PIEZO2: variants seen among roughly 807,000 people sequenced by gnomAD.
PIEZO2 encodes the protein piezo type mechanosensitive ion channel component 2.
Under a neutral mutation model 337.3 loss-of-function variants are expected in PIEZO2, and 172 were observed. That is an observed-to-expected ratio of 0.51 (90% CI 0.45 to 0.58). The LOEUF (loss-of-function observed/expected upper bound fraction) is 0.58, where lower values mean the gene tolerates loss of function less well. PIEZO2 is among the 20% of genes least tolerant of loss of function. The pLI, the probability that PIEZO2 is intolerant of heterozygous loss-of-function variation, is 0.00. For synonymous variants in PIEZO2, 1,251 were observed against 1,228.5 expected (o/e 1.02, Z -0.38); for missense variants, 3,028 against 3,391.3 (o/e 0.89, Z 2.66).
intron 39 of PIEZO2, among the ~76,000 whole-genome samples, chr18:10,712,084 G>T (rs1225385210): frequency 1.3e-5 from 2 of 152,212 alleles, no homozygotes; most frequent in East Asian, 3.8e-4. Flanking sequence ...AAAAAGGGTT[G>T]TTTGATCATG....
intron 2 of PIEZO2, among the ~76,000 whole-genome samples, chr18:11,013,496 T>C (rs1408175481): frequency 1.3e-5 from 2 of 152,222 alleles, no homozygotes; most frequent in African/African-American, 4.8e-5. Flanking sequence ...AGGAAAGTAA[T>C]ACAATAAAGA....
intron 2 of PIEZO2, among the ~76,000 whole-genome samples, chr18:11,039,496 A>T (rs1488058913): frequency 6.6e-6 from 1 of 152,156 alleles, no homozygotes; most frequent in East Asian, 1.9e-4. Flanking sequence ...TCTCCTGTCA[A>T]ACATTCAAGC....
In PIEZO2 at chr18:10,784,069, G is replaced by A. The variant is rs2039124892; in HGVS notation, c.2492+715C>T. Among the ~76,000 whole-genome samples, 1 of 152,074 alleles carries A rather than the reference G, an allele frequency of 6.6e-6. No individual in the cohort carries two copies. Among genetic ancestry groups the A allele is most frequent in the African/African-American group, 2.4e-5 (1 of 41,394 alleles). Reference sequence around the variant, plus strand: ...TATCTGAATCATAGGCTAAACATGAGGCAGAAAGGAAAACCATTGTCAGCG... The same window carrying A: ...TATCTGAATCATAGGCTAAACATGAAGCAGAAAGGAAAACCATTGTCAGCG... On this transcript the variant is annotated intron_variant, in intron 17 of 55. Coordinates refer to ENST00000674853, the MANE Select transcript of PIEZO2 (RefSeq NM_001378183.1). This position sits in a 1 kb window ranked among gnomAD's most constrained non-coding sequence, Gnocchi z 4.5.
chr18:10,929,386 A>G lies in PIEZO2; in HGVS notation c.287-18158T>C. On this transcript the variant is annotated intron_variant, in intron 3 of 55. Coordinates refer to ENST00000674853, the MANE Select transcript of PIEZO2 (RefSeq NM_001378183.1). This position sits in a 1 kb window ranked among gnomAD's most constrained non-coding sequence, Gnocchi z 5.6. ...ATGCTATGAATTCCAGACCAGCGCA[A>G]AGAAACTCCGAATTATTTTGATCAG... Among the ~76,000 whole-genome samples, 1 of 152,208 alleles carries G rather than the reference A, an allele frequency of 6.6e-6. No individual in the cohort carries two copies. The highest frequency in any genetic ancestry group is 1.9e-4 in the East Asian group (1 of 5,194).
intron 2 of PIEZO2, among the ~76,000 whole-genome samples, chr18:10,987,518 T>A (rs1452857130): frequency 6.6e-6 from 1 of 151,814 alleles, no homozygotes; most frequent in Non-Finnish European, 1.5e-5. Flanking sequence ...TACAAAATAA[T>A]AAAATTGGTC....
In PIEZO2 at chr18:10,759,525, G is replaced by A; in HGVS notation, c.3714C>T (p.Tyr1238=). 5 of 1,537,272 alleles carry A rather than the reference G, an allele frequency of 3.3e-6. No individual in the cohort carries two copies. The highest frequency in any genetic ancestry group is 1.2e-5 in the South Asian group (1 of 84,056). ...SFNDNIIKWL[Y]FPDFIVRPNP... ...TGGGCCGCACAATGAAATCTGGGAA[G>A]TACAGCCACTTTATGATGTTGTCAT... is the stretch of plus-strand genomic sequence containing the variant. Residue 1238 remains tyrosine, a synonymous_variant, in exon 26 of 56, where the codon TAC becomes TAT. Transcript: ENST00000674853. This position sits in a 1 kb window ranked among gnomAD's most constrained non-coding sequence, Gnocchi z 5.5.
chr18:10,950,960 G>C (rs1191055368), intron 3 of PIEZO2, among the ~76,000 whole-genome samples: 1 of 152,118 alleles, frequency 6.6e-6, no homozygotes, highest in Non-Finnish European at 1.5e-5. Context: ...TGTGAAAGTC[G>C]ATCATACAAA....
At position 11,111,416 on chromosome 18, in the gene PIEZO2, T is replaced by C. The variant is rs1247817314; in HGVS notation, c.64+37109A>G. 1.3e-5 allele frequency among the ~76,000 whole-genome samples: 2 copies of C among 152,228 alleles called. No individual in the cohort carries two copies. Among genetic ancestry groups the C allele is most frequent in the Non-Finnish European group, 2.9e-5 (2 of 68,040 alleles). On this transcript the variant is annotated intron_variant, in intron 1 of 55. Coordinates refer to ENST00000674853, the MANE Select transcript of PIEZO2 (RefSeq NM_001378183.1). The surrounding 1 kb of genome is among the most constrained non-coding windows in gnomAD (Gnocchi z 6.2). ...TTCATAAAAACCTAGATTTCCAATT[T>C]CTTTTTAAAAAATTATACCATCTGG...
Position 10,855,398 on chromosome 18 carries a change from A to G in PIEZO2, c.872T>C (p.Phe291Ser). The G allele has an allele frequency of 2.6e-6, 4 of 1,537,134 alleles. No homozygotes were observed. The highest frequency in any genetic ancestry group is 3.5e-6 in the Non-Finnish European group (4 of 1,146,812). Residue 291 changes from phenylalanine (F) to serine (S), a missense_variant, in exon 7 of 56, where the codon TTC (phenylalanine) becomes TCC (serine). Coordinates refer to ENST00000674853, the MANE Select transcript of PIEZO2 (RefSeq NM_001378183.1). This position sits in a 1 kb window ranked among gnomAD's most constrained non-coding sequence, Gnocchi z 4.9. ...TGGAACTGCCTCTTGAAAGAATTGG[A>G]ACTGGTATAAATAAAGTCCAATCAA... Reference protein sequence around the residue: ...GHLIGLYLYQFQFFQEAVPPN... With the variant: ...GHLIGLYLYQSQFFQEAVPPN...
chr18:10,842,780 C>T (rs1407912830), intron 7 of PIEZO2, among the ~76,000 whole-genome samples: 1 of 152,206 alleles, frequency 6.6e-6, no homozygotes, highest in African/African-American at 2.4e-5. Context: ...TCAAATTGGA[C>T]ACTATAAATA....
Position 10,954,278 on chromosome 18 carries a change from A to T in PIEZO2, c.286+25257T>A, listed in dbSNP as rs1486621695. On this transcript the variant is annotated intron_variant, in intron 3 of 55. Transcript: ENST00000674853. This position sits in a 1 kb window ranked among gnomAD's most constrained non-coding sequence, Gnocchi z 4.2. ...ATAGATCAGTTTAGAGAGAAAGGAC[A>T]TTTTAACAACAGTGAGTCTTCCAAT... Among the ~76,000 whole-genome samples, 1 of 152,194 alleles carries T rather than the reference A, an allele frequency of 6.6e-6. No individual in the cohort carries two copies. Among genetic ancestry groups the T allele is most frequent in the Non-Finnish European group, 1.5e-5 (1 of 68,024 alleles).
intron 1 of PIEZO2, among the ~76,000 whole-genome samples, chr18:11,118,805 G>A (rs2039957113): frequency 6.6e-6 from 1 of 151,764 alleles, no homozygotes; most frequent in Admixed American, 6.6e-5. Context: ...TGACTCTGCA[G>A]GAAAAATCTG....
chr18:11,034,124 T>C (rs1220456107), intron 2 of PIEZO2, among the ~76,000 whole-genome samples: 2 of 152,140 alleles, frequency 1.3e-5, no homozygotes, highest in African/African-American at 4.8e-5. Flanking sequence ...CCTGTCTTTG[T>C]ACACTTCTTC....
intron 3 of PIEZO2, among the ~76,000 whole-genome samples, chr18:10,915,274 G>A (rs1407117146): frequency 1.4e-5 from 2 of 138,128 alleles, no homozygotes; most frequent in Non-Finnish European, 3.1e-5. Flanking sequence ...GATGGAGAGA[G>A]GAGGCTGACC....
At chr18:10,989,855 C>T (rs1039989917) in intron 2 of PIEZO2, among the ~76,000 whole-genome samples, 3 of 152,062 alleles carry the variant, frequency 2.0e-5, no homozygotes, top group Admixed American at 1.3e-4. Context: ...AAACAACATA[C>T]TGGTAGTAGA....
chr18:11,119,069 T>C (rs988235661), intron 1 of PIEZO2, among the ~76,000 whole-genome samples: 1 of 152,012 alleles, frequency 6.6e-6, no homozygotes, highest in Non-Finnish European at 1.5e-5. Flanking sequence ...ACATCTTCAC[T>C]AATTTGTAGT....
intron 2 of PIEZO2, among the ~76,000 whole-genome samples, chr18:11,061,915 G>C (rs576975073): frequency 1.0e-3 from 154 of 152,242 alleles, no homozygotes; most frequent in African/African-American, 3.6e-3. Flanking sequence ...CTACTTTAAA[G>C]TTCATATGGA....
Position 10,962,086 on chromosome 18 carries a change from C to T in PIEZO2, c.286+17449G>A, listed in dbSNP as rs2033806406. 6.6e-6 allele frequency among the ~76,000 whole-genome samples: 1 copy of T among 152,064 alleles called. No individual in the cohort carries two copies. Among genetic ancestry groups the T allele is most frequent in the Non-Finnish European group, 1.5e-5 (1 of 68,010 alleles). On this transcript the variant is annotated intron_variant, in intron 3 of 55. Transcript: ENST00000674853. This position sits in a 1 kb window ranked among gnomAD's most constrained non-coding sequence, Gnocchi z 4.1. ...CGTTCAGTTTTTTTTTCCAAGCAGA[C>T]TGTAATCAACTATATTAGCATGACA... is the stretch of plus-strand genomic sequence containing the variant.
chr18:10,998,952 T>C (rs2035437008), intron 2 of PIEZO2, among the ~76,000 whole-genome samples: 1 of 152,034 alleles, frequency 6.6e-6, no homozygotes, highest in African/African-American at 2.4e-5. Flanking sequence ...ATGCCTCATT[T>C]ACTCTACTTC....
Sources: gnomAD v4.1 joint callset for allele counts (sites outside exome capture counted in the v4.1 genomes callset) on GRCh38, gnomAD v4.1.1 for gene constraint, Gnocchi (gnomAD v3.1) non-coding constraint, MANE v1.5 for transcripts, NCBI Gene and HGNC (gene_info 2026-07-23, HGNC 2026-07-21) for gene names.